Variants in TMEM63A observed in about 807,000 individuals in gnomAD.
The protein encoded by TMEM63A is mechanosensitive cation channel TMEM63A.
A neutral mutation model predicts 100.6 loss-of-function variants in TMEM63A; 76 were observed. The observed-to-expected ratio is 0.76, with a 90% CI of 0.63 to 0.91. The LOEUF is 0.91. Ranked by LOEUF, TMEM63A falls within the 40% of genes least tolerant of loss-of-function variation. The pLI, the probability that TMEM63A is intolerant of heterozygous loss-of-function variation, is 0.00. For missense variants in TMEM63A, 876 were observed against 1,008.8 expected, an observed-to-expected ratio of 0.87 and a Z score of 1.78; for synonymous variants, 401 against 401.1, an observed-to-expected ratio of 1.00 and a Z score of 0.00.
In TMEM63A at chr1:225,862,568, C is replaced by G; in HGVS notation, c.838G>C (p.Glu280Gln). The change falls in exon 12 of 25, where the codon GAG (glutamate) becomes CAG (glutamine). Residue 280 changes from glutamate (E) to glutamine (Q), a missense_variant. Transcript: ENST00000366835. This position sits in a 1 kb window ranked among gnomAD's most constrained non-coding sequence, Gnocchi z 5.1. ...TTTGTGTAATAGGTCAGGCTCTTCTCAGTCTTCTTTCTGTAGGGGTGGGAG... is the reference window on the plus strand; with the variant it reads ...TTTGTGTAATAGGTCAGGCTCTTCTGAGTCTTCTTTCTGTAGGGGTGGGAG... ...IYLCKEKKKTEKSLTYYTNLQ... is the reference protein window; with the variant it reads ...IYLCKEKKKTQKSLTYYTNLQ... 6.2e-7 allele frequency: 1 copy of G among 1,613,642 alleles called. No homozygotes were observed. Among genetic ancestry groups the G allele is most frequent in the Non-Finnish European group, 8.5e-7 (1 of 1,179,920 alleles).
chr1:225,853,755 C>A lies in TMEM63A; in HGVS notation c.1671G>T (p.Val557=), dbSNP rs1401453832. 6.2e-7 allele frequency: 1 copy of A among 1,608,118 alleles called. No individual in the cohort carries two copies. The highest frequency in any genetic ancestry group is 1.3e-5 in the African/African-American group (1 of 74,962). ...TGAAGGCCGAGGCGATGACATAGTT[C>A]ACAAAGAAGGCACCCTGGTCAGGCA... The part of the protein sequence containing the change: ...VFLPDQGAFF[V]NYVIASAFIG... The change falls in exon 19 of 25, where the codon GTG becomes GTT. Residue 557 remains valine, a synonymous_variant. Coordinates refer to ENST00000366835, the MANE Select transcript of TMEM63A (RefSeq NM_014698.3). This position sits in a 1 kb window ranked among gnomAD's most constrained non-coding sequence, Gnocchi z 4.0.
intron 10 of TMEM63A, among the ~76,000 whole-genome samples, chr1:225,863,334 A>C (rs1255094055): frequency 6.6e-6 from 1 of 152,152 alleles, no homozygotes; most frequent in Non-Finnish European, 1.5e-5. Context: ...GGCGTGAGTC[A>C]CTGCACCCCG....
rs1424340229 is a variant in TMEM63A at position 225,846,897 on chromosome 1, G to C, written c.*42C>G. 9.2e-7 allele frequency: 1 copy of C among 1,083,678 alleles called. No homozygotes were observed. 67.1% of individuals were successfully genotyped at this position (1,083,678 alleles called of 1,614,324 possible). Reference sequence around the variant, plus strand: ...CACTCAGCCAAGGGCCTGAGCCCCAGGCCATTCTGGTTGTGTCTTTTCAGA... The same window carrying C: ...CACTCAGCCAAGGGCCTGAGCCCCACGCCATTCTGGTTGTGTCTTTTCAGA... On this transcript the variant is annotated 3_prime_UTR_variant, in exon 25 of 25. Coordinates refer to ENST00000366835, the MANE Select transcript of TMEM63A (RefSeq NM_014698.3).
At chr1:225,879,875 T>A (rs1026868924) in intron 1 of TMEM63A, among the ~76,000 whole-genome samples, 1 of 152,026 alleles carries the variant, frequency 6.6e-6, no homozygotes, top group African/African-American at 2.4e-5. Flanking sequence ...AGGCTTGAAA[T>A]GTGAAGTGGA....
chr1:225,844,273 G>A (rs959966736), downstream of TMEM63A, among the ~76,000 whole-genome samples: 1 of 151,570 alleles, frequency 6.6e-6, no homozygotes, highest in Non-Finnish European at 1.5e-5. Flanking sequence ...GTGGGTGGGG[G>A]GAGGACCTTG....
At chr1:225,858,642 C>A (rs1205755341) in intron 15 of TMEM63A, among the ~76,000 whole-genome samples, 2 of 152,064 alleles carry the variant, frequency 1.3e-5, no homozygotes, top group Non-Finnish European at 2.9e-5. Context: ...AGTTTTATAA[C>A]AAGGTCATTA....
intron 2 of TMEM63A, among the ~76,000 whole-genome samples, chr1:225,877,973 C>A (rs545507874): frequency 6.6e-6 from 1 of 152,156 alleles, no homozygotes; most frequent in African/African-American, 2.4e-5. Context: ...CCTGCAGAAG[C>A]CACTGGCGGA....
Position 225,862,432 on chromosome 1 carries a change from C to A in TMEM63A, c.951+23G>T. 3 of 1,613,950 alleles carry A rather than the reference C, an allele frequency of 1.9e-6. No homozygotes were observed. Among genetic ancestry groups the A allele is most frequent in the Non-Finnish European group, 2.5e-6 (3 of 1,179,840 alleles). ...ACCCCGATGCCAATGCCTCTGCTCC[C>A]AGCCGGGGGGTGGGACCCTTACCCA... On this transcript the variant is annotated intron_variant, in intron 12 of 24. Transcript: ENST00000366835. This position sits in a 1 kb window ranked among gnomAD's most constrained non-coding sequence, Gnocchi z 5.1.
At chr1:225,861,219 T>C (rs1467485597) in intron 13 of TMEM63A, 1 of 394,200 alleles carries the variant, frequency 2.5e-6, no homozygotes, top group Admixed American at 4.5e-5. Context: ...GGGAGTACGA[T>C]TCCCATTTTA....
downstream of TMEM63A, chr1:225,842,480 G>T (rs770737585): frequency 6.3e-6 from 10 of 1,592,816 alleles, no homozygotes; most frequent in South Asian, 7.7e-5. Context: ...GAAAGGTGAG[G>T]CCCTGGTTTG....
chr1:225,867,820 T>G lies in TMEM63A; in HGVS notation c.514+68A>C. 3 of 1,598,248 alleles carry G rather than the reference T, an allele frequency of 1.9e-6. No individual in the cohort carries two copies. The highest frequency in any genetic ancestry group is 1.7e-6 in the Non-Finnish European group (2 of 1,170,380). The stretch of plus-strand genomic sequence containing the variant: ...CTCCTGGGGTTCTGGTCTACCACAG[T>G]GAGCCCTTTCCCTAGGACTGCCACT... On this transcript the variant is annotated intron_variant, in intron 7 of 24. Coordinates refer to ENST00000366835, the MANE Select transcript of TMEM63A (RefSeq NM_014698.3). The surrounding 1 kb of genome is among the most constrained non-coding windows in gnomAD (Gnocchi z 4.6).
At chr1:225,841,472 C>T (rs972726468), downstream of TMEM63A, among the ~76,000 whole-genome samples, 5 of 150,518 alleles carry the variant, frequency 3.3e-5, no homozygotes, top group African/African-American at 4.9e-5. Flanking sequence ...TTAGTAGAGA[C>T]GGGGTTTTAC....
rs1669911685 is a variant in TMEM63A, at chr1:225,861,069, C to A, written c.1086-72G>T. ...CAAGCACACATGTGGCAAGTGGGGA[C>A]TGAGTAGGAGTGGGAGGCAGTGGCA... On this transcript the variant is annotated intron_variant, in intron 13 of 24. Transcript: ENST00000366835. 19 of 1,534,274 alleles carry A rather than the reference C, an allele frequency of 1.2e-5. No individual in the cohort carries two copies. In the Admixed American group the frequency reaches 3.4e-4, roughly 28 times the overall value.
At chr1:225,873,835 A>C (rs1296029973) in intron 4 of TMEM63A, among the ~76,000 whole-genome samples, 1 of 152,144 alleles carries the variant, frequency 6.6e-6, no homozygotes, top group Non-Finnish European at 1.5e-5. Flanking sequence ...AAAAATACTC[A>C]AGGTGAGAAA....
intron 1 of TMEM63A, among the ~76,000 whole-genome samples, chr1:225,880,067 T>A (rs954431387): frequency 9.2e-5 from 14 of 152,148 alleles, no homozygotes; most frequent in African/African-American, 3.1e-4. Context: ...TGCCTCTAAG[T>A]TACTTGTCTC....
chr1:225,856,327 G>GCTT (rs1553489495), intron 17 of TMEM63A, among the ~76,000 whole-genome samples: 1 of 108,052 alleles, frequency 9.3e-6, no homozygotes, highest in Non-Finnish European at 1.8e-5. Flanking sequence ...TTTCAAGCTG[G>GCTT]TTTTTTTTTT....
downstream of TMEM63A, among the ~76,000 whole-genome samples, chr1:225,844,286 G>A (rs1426537731): frequency 6.6e-6 from 1 of 152,048 alleles, no homozygotes; most frequent in African/African-American, 2.4e-5. Context: ...GGACCTTGGG[G>A]TGATAAGAGA....
In TMEM63A at chr1:225,867,137, T is replaced by C; in HGVS notation, c.541A>G (p.Thr181Ala). The part of the protein sequence containing the change: ...LDKDPYSFGR[T>A]TIANLQTDND... ...TCAGTCTGTAGGTTTGCTATTGTTG[T>C]CCTCCCAAAACTATACGGGTCTTTG... Residue 181 changes from threonine to alanine, a missense_variant, in exon 8 of 25, where the codon ACA (threonine) becomes GCA (alanine). Coordinates refer to ENST00000366835, the MANE Select transcript of TMEM63A (RefSeq NM_014698.3). The surrounding 1 kb of genome is among the most constrained non-coding windows in gnomAD (Gnocchi z 4.6). The C allele has an allele frequency of 6.2e-7, 1 of 1,614,124 alleles. No homozygotes were observed.
chr1:225,862,622 C>T lies in TMEM63A; in HGVS notation c.828-44G>A. 6.2e-7 allele frequency: 1 copy of T among 1,603,512 alleles called. No homozygotes were observed. The highest frequency in any genetic ancestry group is 8.5e-7 in the Non-Finnish European group (1 of 1,173,280). ...GGGCACAAACCTCAGATTTAGAATC[C>T]TGTGGCAGGGACCCCCATACCCACA... On this transcript the variant is annotated intron_variant, in intron 11 of 24. Transcript: ENST00000366835. The surrounding 1 kb of genome is among the most constrained non-coding windows in gnomAD (Gnocchi z 5.1).
Sources: gnomAD v4.1 joint callset for allele counts (sites outside exome capture counted in the v4.1 genomes callset) on GRCh38, gnomAD v4.1.1 for gene constraint, Gnocchi (gnomAD v3.1) non-coding constraint, MANE v1.5 for transcripts, NCBI Gene and HGNC (gene_info 2026-07-23, HGNC 2026-07-21) for gene names.